The following ABTB3 variants were observed in gnomAD, a reference collection of about 807,000 sequenced individuals.
ABTB3 encodes the protein ankyrin repeat and BTB domain containing 3.
chr12:107,396,415 T>C, the ABTB3 span, among the ~76,000 whole-genome samples: 1 of 152,322 alleles, frequency 6.6e-6, no homozygotes, highest in East Asian at 1.9e-4. Context: ...TTTTCTCATC[T>C]GTACAATGGA....
the ABTB3 span, among the ~76,000 whole-genome samples, chr12:107,491,808 G>A: frequency 1.4e-5 from 2 of 145,688 alleles, no homozygotes; most frequent in Non-Finnish European, 3.0e-5. Flanking sequence ...GGGCAACAGA[G>A]TGAGACTCTG....
At chr12:107,493,948 T>C in the ABTB3 span, among the ~76,000 whole-genome samples, 2 of 152,162 alleles carry the variant, frequency 1.3e-5, no homozygotes, top group African/African-American at 2.4e-5. Context: ...CTTCCAGAAC[T>C]AGGAGACAAG....
the ABTB3 span, among the ~76,000 whole-genome samples, chr12:107,638,012 G>A: frequency 1.3e-5 from 2 of 152,076 alleles, no homozygotes; most frequent in Non-Finnish European, 2.9e-5. Flanking sequence ...GTGAAGAAAT[G>A]AGTTTTCGTC....
At chr12:107,533,310 C>T in the ABTB3 span, among the ~76,000 whole-genome samples, 1 of 151,980 alleles carries the variant, frequency 6.6e-6, no homozygotes, top group African/African-American at 2.4e-5. Flanking sequence ...TTAAATTCTC[C>T]AATTAAAAGG....
chr12:107,454,504 G>A, the ABTB3 span, among the ~76,000 whole-genome samples: 2 of 152,174 alleles, frequency 1.3e-5, no homozygotes, highest in African/African-American at 4.8e-5. Context: ...ATAGCAGAAG[G>A]GGTCCAGATG....
the ABTB3 span, among the ~76,000 whole-genome samples, chr12:107,545,222 T>C: frequency 6.6e-6 from 1 of 152,100 alleles, no homozygotes; most frequent in Non-Finnish European, 1.5e-5. Flanking sequence ...CGGAGGTTGC[T>C]GTTTCTTTTT....
chr12:107,533,656 T>A, the ABTB3 span, among the ~76,000 whole-genome samples: 1 of 152,184 alleles, frequency 6.6e-6, no homozygotes, highest in South Asian at 2.1e-4. Context: ...AGGGAGAGAT[T>A]TACTGCAATA....
the ABTB3 span, among the ~76,000 whole-genome samples, chr12:107,410,181 C>T: frequency 6.7e-6 from 1 of 149,350 alleles, no homozygotes; most frequent in South Asian, 2.1e-4. Context: ...CAGACATGCC[C>T]AGCACGCAAA....
the ABTB3 span, among the ~76,000 whole-genome samples, chr12:107,538,381 G>A: frequency 6.6e-6 from 1 of 152,216 alleles, no homozygotes; most frequent in Non-Finnish European, 1.5e-5. Context: ...ACTTAAATGG[G>A]TGTAACAGGT....
chr12:107,386,841 T>A, the ABTB3 span, among the ~76,000 whole-genome samples: 1 of 151,682 alleles, frequency 6.6e-6, no homozygotes, highest in South Asian at 2.1e-4. Context: ...TAGGTCACAG[T>A]GGCCTGGGCT....
At chr12:107,481,484 A>T in the ABTB3 span, among the ~76,000 whole-genome samples, 1 of 152,104 alleles carries the variant, frequency 6.6e-6, no homozygotes, top group Non-Finnish European at 1.5e-5. Flanking sequence ...CCTCTGTGCA[A>T]ACCAACGGCA....
At chr12:107,649,393 T>C in the ABTB3 span, 1 of 946,360 alleles carries the variant, frequency 1.1e-6, no homozygotes, top group Non-Finnish European at 1.7e-6. Context: ...GGTTTTCATT[T>C]GGATGAAGAC....
At chr12:107,635,888 A>C in the ABTB3 span, among the ~76,000 whole-genome samples, 1 of 114,404 alleles carries the variant, frequency 8.7e-6, no homozygotes, top group African/African-American at 3.3e-5. Context: ...ACACACACAC[A>C]CACACACACA....
the ABTB3 span, among the ~76,000 whole-genome samples, chr12:107,484,121 CACA>C: frequency 6.6e-6 from 1 of 152,298 alleles, no homozygotes; most frequent in Non-Finnish European, 1.5e-5. Context: ...GAGAAGGAAA[CACA>C]ACGACAAACA....
At chr12:107,584,414 G>A in the ABTB3 span, among the ~76,000 whole-genome samples, 2 of 152,220 alleles carry the variant, frequency 1.3e-5, no homozygotes, top group African/African-American at 2.4e-5. Flanking sequence ...GGCAGAGCAG[G>A]TCTAGAATGG....
At chr12:107,655,256 A>AATATATATATATATATAT in the ABTB3 span, among the ~76,000 whole-genome samples, 51 of 148,764 alleles carry the variant, frequency 3.4e-4, no homozygotes, top group African/African-American at 1.0e-3. Flanking sequence ...GCCTCTTTCA[A>AATATATATATATATATAT]ATATATATAT....
the ABTB3 span, among the ~76,000 whole-genome samples, chr12:107,398,880 C>T: frequency 2.9e-4 from 44 of 152,192 alleles, no homozygotes; most frequent in Non-Finnish European, 5.7e-4. Context: ...AGTAAGAGTG[C>T]TGGACTGTGG....
the ABTB3 span, among the ~76,000 whole-genome samples, chr12:107,440,266 G>A: frequency 6.6e-6 from 1 of 152,160 alleles, no homozygotes; most frequent in African/African-American, 2.4e-5. Context: ...TCCCTCTCCA[G>A]GTTCACACCT....
the ABTB3 span, among the ~76,000 whole-genome samples, chr12:107,328,807 C>T: frequency 6.6e-5 from 10 of 152,292 alleles, 1 homozygote; most frequent in Admixed American, 1.3e-4. Flanking sequence ...ATCATAGGGG[C>T]CCCCAGGAGG....
Sources: gnomAD v4.1 joint callset for allele counts (sites outside exome capture counted in the v4.1 genomes callset) on GRCh38, gnomAD v4.1.1 for gene constraint, MANE v1.5 for transcripts, NCBI Gene and HGNC (gene_info 2026-07-23, HGNC 2026-07-21) for gene names.